Variants in VAC14 observed in about 807,000 individuals in gnomAD.
VAC14 encodes the protein VAC14 component of PIKFYVE complex, also known as protein VAC14 homolog.
In VAC14, 47 loss-of-function variants were observed where a neutral mutation model predicts 85.3. The observed-to-expected ratio is 0.55, with a 90% CI of 0.44 to 0.70. The LOEUF is 0.70. Ranked by LOEUF, VAC14 falls within the 30% of genes least tolerant of loss-of-function variation. The pLI, the probability that VAC14 is intolerant of heterozygous loss-of-function variation, is 0.00. For synonymous variants in VAC14, 447 were observed against 430.5 expected (o/e 1.04, Z -0.47); for missense variants, 861 against 1,004.3 (o/e 0.86, Z 1.93).
intron 14 of VAC14, among the ~76,000 whole-genome samples, chr16:70,710,859 T>C (rs549356657): frequency 6.6e-6 from 1 of 152,256 alleles, no homozygotes; most frequent in Non-Finnish European, 1.5e-5. Context: ...CTCCTGGTCA[T>C]GGGCCCTGGG....
At chr16:70,778,038 C>A (rs2033610190) in intron 9 of VAC14, among the ~76,000 whole-genome samples, 1 of 152,152 alleles carries the variant, frequency 6.6e-6, no homozygotes, top group African/African-American at 2.4e-5. Flanking sequence ...TTAGCTCTTA[C>A]CATCTCTGGG....
intron 13 of VAC14, among the ~76,000 whole-genome samples, chr16:70,733,879 A>G (rs2054668785): frequency 6.6e-6 from 1 of 152,148 alleles, no homozygotes; most frequent in Non-Finnish European, 1.5e-5. Flanking sequence ...AGGCTTGAGT[A>G]CAATGGCACG....
At chr16:70,799,354 A>G (rs2034672631) in intron 1 of VAC14, among the ~76,000 whole-genome samples, 1 of 152,212 alleles carries the variant, frequency 6.6e-6, no homozygotes, top group Admixed American at 6.5e-5. Context: ...GGAGCAGTCA[A>G]GAAAGTGGTG....
At position 70,785,792 on chromosome 16, in the gene VAC14, G is replaced by A. The variant is rs1375240799; in HGVS notation, c.333C>T (p.Tyr111=). 1.9e-5 allele frequency: 30 copies of A among 1,595,552 alleles called. No homozygotes were observed. Among genetic ancestry groups the A allele is most frequent in the Non-Finnish European group, 2.6e-5 (30 of 1,169,678 alleles). Residue 111 remains tyrosine, a synonymous_variant, in exon 3 of 19, where the codon TAC becomes TAT. Transcript: ENST00000261776. ...CFNDADSRLR[Y]YACEALYNIV... is the part of the protein sequence containing the mutation. ...TGTTGTAGAGGGCCTCGCAGGCATA[G>A]TAGCGCAGCCTGCTGTCTGCATCAT...
In VAC14 at chr16:70,794,751, C is replaced by T. The variant is rs893297296; in HGVS notation, c.104+6046G>A. Among the ~76,000 whole-genome samples the T allele has an allele frequency of 2.6e-5, 4 of 152,302 alleles. No homozygotes were observed. The East Asian group carries it at 7.7e-4, about 29-fold the overall frequency. On this transcript the variant is annotated intron_variant, in intron 1 of 18. Transcript: ENST00000261776. ...TAGGTCACAGCCCCCAGGGGCCAGCCTGTGACCCCGGAATTAAACAATTTA... is the reference window on the plus strand; with the variant it reads ...TAGGTCACAGCCCCCAGGGGCCAGCTTGTGACCCCGGAATTAAACAATTTA...
intron 1 of VAC14, among the ~76,000 whole-genome samples, chr16:70,787,338 A>AT (rs1442305090): frequency 6.6e-6 from 1 of 152,184 alleles, no homozygotes; most frequent in African/African-American, 2.4e-5. Context: ...AATAGCTGAT[A>AT]TAAGAGGAGA....
chr16:70,693,947 G>C (rs888424849), intron 17 of VAC14, among the ~76,000 whole-genome samples: 2 of 152,218 alleles, frequency 1.3e-5, no homozygotes, highest in African/African-American at 4.8e-5. Flanking sequence ...ATGGAGGCCT[G>C]CTGGCGCCCT....
At chr16:70,766,339 T>C (rs971822700) in intron 10 of VAC14, 3 of 382,872 alleles carry the variant, frequency 7.8e-6, no homozygotes, top group South Asian at 5.7e-5. Flanking sequence ...GGGCCTCTCC[T>C]GCAAGTGGTG....
At chr16:70,726,048 C>T (rs1205936614) in intron 14 of VAC14, among the ~76,000 whole-genome samples, 2 of 152,264 alleles carry the variant, frequency 1.3e-5, no homozygotes, top group Non-Finnish European at 2.9e-5. Flanking sequence ...CAGACTTGCT[C>T]GCTTCCCAGC....
intron 1 of VAC14, among the ~76,000 whole-genome samples, chr16:70,797,976 T>A (rs2034617346): frequency 6.6e-6 from 1 of 152,208 alleles, no homozygotes; most frequent in Non-Finnish European, 1.5e-5. Flanking sequence ...TAAATCTCTT[T>A]TCTTTATAAA....
chr16:70,753,007 AGG>A (rs71872159), intron 12 of VAC14, among the ~76,000 whole-genome samples: 1,804 of 134,960 alleles, frequency 0.013, 37 homozygotes, highest in African/African-American at 0.046. Flanking sequence ...GTGCAGGAGG[AGG>A]GGGTGTGTGT....
At chr16:70,761,679 C>T (rs1360516475) in intron 12 of VAC14, among the ~76,000 whole-genome samples, 1 of 152,198 alleles carries the variant, frequency 6.6e-6, no homozygotes, top group Non-Finnish European at 1.5e-5. Context: ...CTCTGTACTC[C>T]AGCTCTCTCA....
At chr16:70,784,710 C>A in intron 4 of VAC14, 66 bp downstream of exon 4, 2 of 1,461,228 alleles carry the variant, frequency 1.4e-6, no homozygotes, top group Non-Finnish European at 1.9e-6. Context: ...GACAGAATTT[C>A]TAAGCTTTAC....
At chr16:70,737,234 G>A (rs1332887597) in intron 13 of VAC14, among the ~76,000 whole-genome samples, 4 of 152,256 alleles carry the variant, frequency 2.6e-5, no homozygotes, top group Non-Finnish European at 5.9e-5. Flanking sequence ...GCTGGGTGCT[G>A]CAGGCGCATG....
At chr16:70,729,826 TTGAA>T (rs35118641) in intron 14 of VAC14, among the ~76,000 whole-genome samples, 105 of 151,926 alleles carry the variant, frequency 6.9e-4, no homozygotes, top group African/African-American at 2.2e-3. Context: ...TAAACATCTG[TTGAA>T]TGAATGAATG....
intron 18 of VAC14, among the ~76,000 whole-genome samples, 182 bp downstream of exon 18, chr16:70,692,639 G>A (rs1373559550): frequency 1.3e-5 from 2 of 152,166 alleles, no homozygotes; most frequent in Non-Finnish European, 2.9e-5. Context: ...GTGCTCTGAT[G>A]TGGACACAAG....
chr16:70,693,037 G>C lies in VAC14; in HGVS notation c.2036-66C>G, dbSNP rs2278984. 895,372 of 1,543,722 alleles carry C rather than the reference G, an allele frequency of 0.58. 265,603 individuals carry two copies. Among genetic ancestry groups the C allele is most frequent in the African/African-American group, 0.63 (46,699 of 73,940 alleles). On this transcript the variant is annotated intron_variant, in intron 17 of 18. Transcript: ENST00000261776. ...CTCTGGGACACGCCCAGCCCACACTGCCTGCCTCCGACTGGCCAGGACCAC... is the reference window on the plus strand; with the variant it reads ...CTCTGGGACACGCCCAGCCCACACTCCCTGCCTCCGACTGGCCAGGACCAC...
At chr16:70,718,475 G>A (rs1005796882) in intron 14 of VAC14, among the ~76,000 whole-genome samples, 7 of 151,118 alleles carry the variant, frequency 4.6e-5, no homozygotes, top group Admixed American at 2.0e-4. Flanking sequence ...GGGAGGCTGA[G>A]GCAGGGGAGA....
chr16:70,771,944 T>G lies in VAC14; in HGVS notation c.1160+165A>C, dbSNP rs556206406. On this transcript the variant is annotated intron_variant, in intron 10 of 18. Coordinates refer to ENST00000261776, the MANE Select transcript of VAC14 (RefSeq NM_018052.5). ...CTGGGTGGGGTGGGCTTGCTCAGTGTCCTTCAGATTCCTTCATCAATTAAC... is the reference window on the plus strand; with the variant it reads ...CTGGGTGGGGTGGGCTTGCTCAGTGGCCTTCAGATTCCTTCATCAATTAAC... 7.7e-6 allele frequency: 5 copies of G among 647,968 alleles called. No homozygotes were observed. In the African/African-American group the frequency reaches 9.1e-5, roughly 12 times the overall value. The allele number at this position is 647,968 out of a possible 1,614,324, so 40.1% of individuals were successfully genotyped here. A position where few individuals can be genotyped will look rare whatever the true frequency, so the allele number is the denominator to read the frequency against.
Sources: allele counts gnomAD v4.1 joint callset (sites outside exome capture counted in the v4.1 genomes callset), GRCh38; gene constraint gnomAD v4.1.1; transcripts MANE v1.5; gene names NCBI Gene and HGNC (gene_info 2026-07-23, HGNC 2026-07-21).